POMK: variants seen among roughly 807,000 people sequenced by gnomAD.
POMK encodes the protein protein O-mannose kinase.
Under a neutral mutation model 23.0 loss-of-function variants are expected in POMK, and 19 were observed. That is an observed-to-expected ratio of 0.83 (90% CI 0.58 to 1.21). POMK has a LOEUF of 1.21. POMK is among the 50% of genes most tolerant of loss of function. The pLI is 0.00. For missense variants in POMK, 410 were observed against 431.3 expected (o/e 0.95, Z 0.44); for synonymous variants, 173 against 171.6 (o/e 1.01, Z -0.06).
intron 4 of POMK, among the ~76,000 whole-genome samples, chr8:43,110,008 G>C (rs1200941426): frequency 6.6e-6 from 1 of 152,156 alleles, no homozygotes; most frequent in South Asian, 2.1e-4. Context: ...TTCACACACA[G>C]AATCTCTTAC....
intron 4 of POMK, among the ~76,000 whole-genome samples, chr8:43,114,995 A>C (rs920065645): frequency 2.6e-5 from 4 of 152,228 alleles, no homozygotes; most frequent in African/African-American, 9.7e-5. Flanking sequence ...TAGTACATTA[A>C]AAATCCATAC....
At chr8:43,117,341 C>A (rs898693137) in intron 4 of POMK, among the ~76,000 whole-genome samples, 1 of 152,188 alleles carries the variant, frequency 6.6e-6, no homozygotes, top group Non-Finnish European at 1.5e-5. Flanking sequence ...AGAAAAAATA[C>A]ATTTACTGTT....
At chr8:43,111,912 T>C (rs1297652362) in intron 4 of POMK, among the ~76,000 whole-genome samples, 1 of 152,098 alleles carries the variant, frequency 6.6e-6, no homozygotes, top group Non-Finnish European at 1.5e-5. Context: ...CAAAAACCCA[T>C]CTGTACGTCA....
intron 2 of POMK, among the ~76,000 whole-genome samples, chr8:43,100,240 A>C (rs1017073465): frequency 6.6e-6 from 1 of 152,120 alleles, no homozygotes; most frequent in Non-Finnish European, 1.5e-5. Flanking sequence ...AGCAGGGCTC[A>C]GAGCATGTGG....
intron 4 of POMK, among the ~76,000 whole-genome samples, chr8:43,106,509 C>CTTTTTTTTTTTTT (rs1221471764): frequency 8.7e-6 from 1 of 115,218 alleles, no homozygotes; most frequent in Non-Finnish European, 1.8e-5. Context: ...TTTACTTTTG[C>CTTTTTTTTTTTTT]TTTTTTTTTT....
chr8:43,101,393 G>C (rs2130598256), intron 2 of POMK, among the ~76,000 whole-genome samples: 1 of 145,790 alleles, frequency 6.9e-6, no homozygotes, highest in Non-Finnish European at 1.5e-5. Context: ...ACTCCAGCCC[G>C]AGTGACAGAG....
chr8:43,113,713 GCT>G (rs1811731558), intron 4 of POMK, among the ~76,000 whole-genome samples: 1 of 152,188 alleles, frequency 6.6e-6, no homozygotes, highest in Admixed American at 6.6e-5. Flanking sequence ...CAGTTTTTCT[GCT>G]CTGTTTTTTC....
chr8:43,113,170 T>G (rs1434834607), intron 4 of POMK, among the ~76,000 whole-genome samples: 1 of 152,202 alleles, frequency 6.6e-6, no homozygotes, highest in Non-Finnish European at 1.5e-5. Flanking sequence ...CTTGCTAGAT[T>G]GTGGAAGTTC....
intron 4 of POMK, 147 bp from the exon 5 acceptor site, chr8:43,121,960 A>C: frequency 1.3e-6 from 1 of 769,288 alleles, no homozygotes; most frequent in East Asian, 2.4e-5. Context: ...TCATAACTAG[A>C]CGGAGAGCAA....
intron 4 of POMK, among the ~76,000 whole-genome samples, chr8:43,120,821 G>A (rs1307168698): frequency 1.3e-5 from 2 of 152,014 alleles, no homozygotes; most frequent in African/African-American, 2.4e-5. Context: ...GGGATTACAG[G>A]CATGCACCAC....
In POMK at chr8:43,122,457, A is replaced by G; in HGVS notation, c.633A>G (p.Thr211=). 2 of 1,614,160 alleles carry G rather than the reference A, an allele frequency of 1.2e-6. No individual in the cohort carries two copies. Among genetic ancestry groups the G allele is most frequent in the Admixed American group, 1.7e-5 (1 of 60,018 alleles). The part of the protein sequence containing the change: ...VMCDSNDLPK[T]LSQYLLTSNF... ...GCGACTCCAACGACCTGCCGAAGACACTGTCCCAGTATCTGCTAACAAGCA... is the reference window on the plus strand; with the variant it reads ...GCGACTCCAACGACCTGCCGAAGACGCTGTCCCAGTATCTGCTAACAAGCA... The change falls in exon 5 of 5, where the codon ACA becomes ACG. Residue 211 remains threonine (T), a synonymous_variant. Coordinates refer to ENST00000331373, the MANE Select transcript of POMK (RefSeq NM_032237.5).
At chr8:43,099,535 A>G (rs919819489) in intron 2 of POMK, among the ~76,000 whole-genome samples, 1 of 152,258 alleles carries the variant, frequency 6.6e-6, no homozygotes, top group East Asian at 1.9e-4. Flanking sequence ...AACCAATTAT[A>G]TAAGGCGTTT....
At chr8:43,122,000 T>G in intron 4 of POMK, 107 bp from the exon 5 acceptor site, 1 of 1,106,342 alleles carries the variant, frequency 9.0e-7, no homozygotes, top group South Asian at 1.4e-5. Flanking sequence ...CCTTGTTAAT[T>G]TCTGTATCTT....
intron 3 of POMK, 40 bp from the exon 4 acceptor site, chr8:43,103,488 A>G (rs1378043831): frequency 1.3e-6 from 2 of 1,589,324 alleles, no homozygotes; most frequent in Admixed American, 3.4e-5. Flanking sequence ...AGGAAGTGAA[A>G]GCTGACTGTC....
At chr8:43,112,458 G>A (rs1312960767) in intron 4 of POMK, among the ~76,000 whole-genome samples, 3 of 152,162 alleles carry the variant, frequency 2.0e-5, no homozygotes, top group Admixed American at 6.5e-5. Context: ...TGAAGGTGAC[G>A]GGGAGAATGG....
intron 4 of POMK, among the ~76,000 whole-genome samples, chr8:43,108,474 C>T (rs571007366): frequency 1.1e-4 from 16 of 152,208 alleles, no homozygotes; most frequent in African/African-American, 3.1e-4. Context: ...AACAAATATG[C>T]GCCAAATTTT....
intron 4 of POMK, among the ~76,000 whole-genome samples, chr8:43,120,109 A>G (rs1811882423): frequency 6.6e-6 from 1 of 152,040 alleles, no homozygotes; most frequent in South Asian, 2.1e-4. Context: ...AGGCATTAGC[A>G]TATTTCCTTT....
chr8:43,111,533 C>T (rs776126502), intron 4 of POMK, among the ~76,000 whole-genome samples: 9 of 152,202 alleles, frequency 5.9e-5, no homozygotes, highest in South Asian at 2.1e-4. Flanking sequence ...ATAACCTCTG[C>T]GGACTTAAAT....
At chr8:43,112,033 G>C (rs573956745) in intron 4 of POMK, among the ~76,000 whole-genome samples, 24 of 152,326 alleles carry the variant, frequency 1.6e-4, no homozygotes, top group Non-Finnish European at 3.2e-4. Context: ...AAGGAACGCA[G>C]CTCCTCACCA....
Sources: gnomAD v4.1 joint callset for allele counts (sites outside exome capture counted in the v4.1 genomes callset) on GRCh38, gnomAD v4.1.1 for gene constraint, MANE v1.5 for transcripts, NCBI Gene and HGNC (gene_info 2026-07-23, HGNC 2026-07-21) for gene names.